Variants in PCDHA10 observed in about 807,000 individuals in gnomAD.
PCDHA10 encodes protocadherin alpha-10.
Under a neutral mutation model 61.2 loss-of-function variants are expected in PCDHA10, and 45 were observed. That is an observed-to-expected ratio of 0.74 (90% confidence interval 0.58 to 0.94). The LOEUF is 0.94. Among genes scored for constraint, PCDHA10 ranks in the 40% least tolerant of loss-of-function variants. The pLI, the probability that PCDHA10 is intolerant of heterozygous loss-of-function variation, is 0.00. For missense variants in PCDHA10, 1,278 were observed against 1,236.2 expected (o/e 1.03, Z -0.51); for synonymous variants, 602 against 548.8 (o/e 1.10, Z -1.35).
chr5:140,884,305 G>A (rs1223534357), intron 1 of PCDHA10: 2 of 1,613,602 alleles, frequency 1.2e-6, no homozygotes, highest in Non-Finnish European at 1.7e-6. Context: ...CACAGGCTTC[G>A]TCGAGGGCGT....
chr5:140,883,925 G>T (rs1554180613), intron 1 of PCDHA10: 2 of 1,613,466 alleles, frequency 1.2e-6, no homozygotes, highest in Non-Finnish European at 1.7e-6. Context: ...GACGCTGCAG[G>T]TGTTCGTGCT....
intron 3 of PCDHA10, among the ~76,000 whole-genome samples, chr5:140,983,433 G>A (rs1306046524): frequency 1.3e-5 from 2 of 152,208 alleles, no homozygotes; most frequent in African/African-American, 4.8e-5. Context: ...CACAAATTGT[G>A]TCTACTCTAA....
intron 1 of PCDHA10, chr5:140,861,372 A>G (rs2046882996): frequency 8.6e-5 from 35 of 407,054 alleles, no homozygotes; most frequent in South Asian, 7.5e-4. Context: ...CGCGGTCCCT[A>G]TTGCGCAGGA....
At position 140,884,053 on chromosome 5, in the gene PCDHA10, C is replaced by A. The variant is rs782043806; in HGVS notation, c.2388+25617C>A. The stretch of plus-strand genomic sequence containing the variant: ...CAGGCCACGTGGTGGCGAAGGTGCG[C>A]GCGGTGGACGCCGATTCGGGCTACA... On this transcript the variant is annotated intron_variant, in intron 1 of 3. Transcript: ENST00000307360. 10 of 1,613,378 alleles carry A rather than the reference C, an allele frequency of 6.2e-6. No homozygotes were observed. The Admixed American group carries it at 1.2e-4, about 19-fold the overall frequency.
chr5:140,880,365 C>A (rs1462418898), intron 1 of PCDHA10, among the ~76,000 whole-genome samples: 1 of 151,976 alleles, frequency 6.6e-6, no homozygotes, highest in Non-Finnish European at 1.5e-5. Flanking sequence ...TAGATGAAAA[C>A]CATGAGAGAA....
At chr5:140,978,615 T>C in intron 1 of PCDHA10, among the ~76,000 whole-genome samples, 1 of 152,238 alleles carries the variant, frequency 6.6e-6, no homozygotes, top group East Asian at 1.9e-4. Context: ...GCAAAAGCAG[T>C]GAAAGCTTTT....
At chr5:140,868,764 T>G (rs1202050223) in intron 1 of PCDHA10, 2 of 238,724 alleles carry the variant, frequency 8.4e-6, no homozygotes, top group Non-Finnish European at 1.6e-5. Flanking sequence ...ATATATTTAG[T>G]TTCAATATGA....
intron 1 of PCDHA10, chr5:140,869,178 G>A (rs200717410): frequency 1.0e-4 from 168 of 1,613,870 alleles, no homozygotes; most frequent in Non-Finnish European, 1.3e-4. Flanking sequence ...AATTCTGGGA[G>A]GTGGGGAGCG....
chr5:140,943,057 G>A (rs907618778), intron 1 of PCDHA10, among the ~76,000 whole-genome samples: 2 of 151,996 alleles, frequency 1.3e-5, no homozygotes, highest in African/African-American at 4.8e-5. Context: ...AGGAGTTCAA[G>A]AACAGCCTGA....
intron 3 of PCDHA10, among the ~76,000 whole-genome samples, chr5:141,007,767 G>T (rs1322859075): frequency 6.6e-6 from 1 of 152,142 alleles, no homozygotes; most frequent in African/African-American, 2.4e-5. Context: ...TATTGGCCTG[G>T]AAATGGTACT....
chr5:140,875,441 T>C (rs781902185), intron 1 of PCDHA10: 1 of 1,570,886 alleles, frequency 6.4e-7, no homozygotes, highest in Admixed American at 1.9e-5. Flanking sequence ...TTAAAACTGA[T>C]TGTCCCAACT....
intron 1 of PCDHA10, among the ~76,000 whole-genome samples, chr5:140,904,227 C>T (rs1373458999): frequency 5.9e-5 from 9 of 151,978 alleles, no homozygotes; most frequent in African/African-American, 2.2e-4. Context: ...TTGTATTATA[C>T]TTATGCCTTT....
intron 1 of PCDHA10, among the ~76,000 whole-genome samples, chr5:140,972,062 A>G (rs1398109338): frequency 6.6e-6 from 1 of 152,246 alleles, no homozygotes; most frequent in Admixed American, 6.5e-5. Flanking sequence ...AGTCGTATAT[A>G]TTAACTGCTT....
intron 1 of PCDHA10, chr5:140,928,751 C>T (rs1387564129): frequency 6.2e-7 from 1 of 1,614,180 alleles, no homozygotes; most frequent in Non-Finnish European, 8.5e-7. Flanking sequence ...GAGCTCCGTA[C>T]TGCTCGCTTA....
intron 1 of PCDHA10, among the ~76,000 whole-genome samples, chr5:140,936,995 A>G (rs2091251299): frequency 6.6e-6 from 1 of 151,864 alleles, no homozygotes; most frequent in Non-Finnish European, 1.5e-5. Flanking sequence ...CATTGACAAT[A>G]TTGAGACAGA....
chr5:140,870,908 A>G, intron 1 of PCDHA10: 1 of 1,613,928 alleles, frequency 6.2e-7, no homozygotes, highest in Non-Finnish European at 8.5e-7. Flanking sequence ...GACTCAGGCT[A>G]CAACGCGTGG....
rs781827236 is a variant in PCDHA10, at chr5:140,877,873, T to C, written c.2388+19437T>C. ...TTAATATTATTTAGATATATTTGTT[T>C]CCTTGAAGAACTTCCGTTTAGGTTA... On this transcript the variant is annotated intron_variant, in intron 1 of 3. Transcript: ENST00000307360. 6.8e-6 allele frequency: 10 copies of C among 1,481,404 alleles called. 1 individual carries two copies. In the Admixed American group the frequency reaches 2.1e-4, roughly 30 times the overall value. 91.8% of individuals were successfully genotyped at this position (1,481,404 alleles called of 1,614,324 possible).
intron 1 of PCDHA10, among the ~76,000 whole-genome samples, chr5:140,974,980 G>A (rs149148015): frequency 2.4e-4 from 36 of 152,208 alleles, no homozygotes; most frequent in Non-Finnish European, 5.0e-4. Context: ...TGAGTTGTCC[G>A]CTCAGGTATT....
Position 140,958,902 on chromosome 5 carries a change from GAA to G in PCDHA10, c.2389-20044_2389-20043del, listed in dbSNP as rs201571519. On this transcript the variant is annotated intron_variant, in intron 1 of 3. Transcript: ENST00000307360. ...GACCAGTAGCTATATAATAGATACA[GAA>G]AAGTCTGCCTGGGTGTGGTGGCTCA... Among the ~76,000 whole-genome samples the G allele has an allele frequency of 8.2e-3, 1,248 of 152,002 alleles. 7 individuals carry two copies. The highest frequency in any genetic ancestry group is 0.021 in the Middle Eastern group (6 of 292).
Sources: gnomAD v4.1 joint callset for allele counts (sites outside exome capture counted in the v4.1 genomes callset) on GRCh38, gnomAD v4.1.1 for gene constraint, MANE v1.5 for transcripts, NCBI Gene and HGNC (gene_info 2026-07-23, HGNC 2026-07-21) for gene names.